Variants in RELCH observed in about 807,000 individuals in gnomAD.
RELCH encodes RAB11-binding protein RELCH.
A neutral mutation model predicts 150.3 loss-of-function variants in RELCH; 41 were observed. The observed-to-expected ratio is 0.27, with a 90% CI of 0.21 to 0.35. The LOEUF is 0.35. Among genes scored for constraint, RELCH ranks in the 10% least tolerant of loss-of-function variants. The pLI, the probability that RELCH is intolerant of heterozygous loss-of-function variation, is 1.00. For missense variants in RELCH, 1,092 were observed against 1,467.8 expected, an observed-to-expected ratio of 0.74 and a Z score of 4.18; for synonymous variants, 478 against 531.8, an observed-to-expected ratio of 0.90 and a Z score of 1.39.
chr18:62,195,707 C>CT (rs921535659), intron 1 of RELCH, among the ~76,000 whole-genome samples: 5 of 146,372 alleles, frequency 3.4e-5, no homozygotes, highest in African/African-American at 5.0e-5. Flanking sequence ...TTTTTTTTTT[C>CT]TTTTTTTTTC....
chr18:62,224,649 A>C (rs1266729710), intron 5 of RELCH, among the ~76,000 whole-genome samples: 2 of 152,132 alleles, frequency 1.3e-5, no homozygotes, highest in African/African-American at 4.8e-5. Flanking sequence ...TTAAAATATC[A>C]TGTTCAATAG....
At chr18:62,295,243 A>G (rs1056314537) in intron 27 of RELCH, among the ~76,000 whole-genome samples, 1 of 151,360 alleles carries the variant, frequency 6.6e-6, no homozygotes, top group African/African-American at 2.4e-5. Context: ...AGAACATGCT[A>G]TATCTTATAT....
intron 11 of RELCH, among the ~76,000 whole-genome samples, chr18:62,250,524 T>C (rs1185147586): frequency 6.6e-6 from 1 of 152,240 alleles, no homozygotes; most frequent in African/African-American, 2.4e-5. Context: ...TCATTCACTT[T>C]ATTTGCCTTC....
At chr18:62,224,119 GC>G (rs1228882308) in intron 5 of RELCH, among the ~76,000 whole-genome samples, 1 of 151,912 alleles carries the variant, frequency 6.6e-6, no homozygotes, top group Non-Finnish European at 1.5e-5. Flanking sequence ...CCCTCCCCCA[GC>G]CCCTCATGCC....
chr18:62,215,883 A>G (rs2148339123), intron 2 of RELCH, among the ~76,000 whole-genome samples: 1 of 152,212 alleles, frequency 6.6e-6, no homozygotes, highest in Non-Finnish European at 1.5e-5. Context: ...TCACAGAGCC[A>G]TTTTCTTAGA....
chr18:62,237,639 G>C (rs912746040), intron 10 of RELCH, among the ~76,000 whole-genome samples: 2 of 151,578 alleles, frequency 1.3e-5, no homozygotes, highest in Admixed American at 1.3e-4. Flanking sequence ...TCATGTGCCA[G>C]TATGTACTTA....
chr18:62,259,494 A>C (rs1452707495), intron 15 of RELCH, among the ~76,000 whole-genome samples: 1 of 150,610 alleles, frequency 6.6e-6, no homozygotes, highest in Non-Finnish European at 1.5e-5. Flanking sequence ...GGAAATGTTA[A>C]AAAAAAAAGA....
At chr18:62,229,485 G>T (rs1416111046) in intron 8 of RELCH, among the ~76,000 whole-genome samples, 1 of 143,322 alleles carries the variant, frequency 7.0e-6, no homozygotes, top group African/African-American at 2.6e-5. Flanking sequence ...GTATAGTAGG[G>T]GTGTGTGTGT....
intron 10 of RELCH, among the ~76,000 whole-genome samples, 162 bp downstream of exon 10, chr18:62,232,589 C>T (rs1001524777): frequency 2.0e-5 from 3 of 152,032 alleles, no homozygotes; most frequent in Admixed American, 2.0e-4. Context: ...AATGGTTTTA[C>T]ACCTCTGTCA....
chr18:62,297,146 T>C (rs2045448351), intron 27 of RELCH, among the ~76,000 whole-genome samples: 1 of 152,196 alleles, frequency 6.6e-6, no homozygotes, highest in Admixed American at 6.5e-5. Flanking sequence ...ACTTGAGATA[T>C]CGGGCATAGC....
intron 1 of RELCH, among the ~76,000 whole-genome samples, chr18:62,204,211 A>C (rs959416806): frequency 4.6e-5 from 7 of 152,122 alleles, no homozygotes; most frequent in Admixed American, 4.6e-4. Context: ...TAATAATTCG[A>C]AGGAATAATC....
intron 25 of RELCH, among the ~76,000 whole-genome samples, chr18:62,284,761 T>C (rs1014611835): frequency 6.6e-6 from 1 of 152,214 alleles, no homozygotes; most frequent in Admixed American, 6.5e-5. Flanking sequence ...GCCCCTCTAT[T>C]TCTTGGCTAA....
At chr18:62,248,482 A>C (rs554485512) in intron 11 of RELCH, among the ~76,000 whole-genome samples, 1 of 152,290 alleles carries the variant, frequency 6.6e-6, no homozygotes, top group Non-Finnish European at 1.5e-5. Flanking sequence ...GGCCTCACCC[A>C]CAATGTTCTG....
At chr18:62,275,535 G>T in intron 22 of RELCH, 62 bp downstream of exon 22, 1 of 1,028,090 alleles carries the variant, frequency 9.7e-7, no homozygotes. Flanking sequence ...TTGCGAAGAA[G>T]AAGGGAATTT....
chr18:62,289,996 G>C (rs2045029752), intron 26 of RELCH, among the ~76,000 whole-genome samples: 1 of 152,136 alleles, frequency 6.6e-6, no homozygotes, highest in African/African-American at 2.4e-5. Flanking sequence ...TAGAAAGCAA[G>C]ACTACATAAT....
rs186155683 is a variant in RELCH at position 62,221,776 on chromosome 18, A to G, written c.858+279A>G. On this transcript the variant is annotated intron_variant, in intron 5 of 28. Transcript: ENST00000644646. Reference sequence around the variant, plus strand: ...AGTCCACTCATTTTTGCATATATTCATAAAGTATGCTTTTTAAAGACATAC... The same window carrying G: ...AGTCCACTCATTTTTGCATATATTCGTAAAGTATGCTTTTTAAAGACATAC... 1.5e-3 allele frequency among the ~76,000 whole-genome samples: 222 copies of G among 151,910 alleles called. 2 individuals carry two copies. The highest frequency in any genetic ancestry group is 5.5e-4 in the Non-Finnish European group (37 of 67,830).
At chr18:62,212,197 G>A (rs975757451) in intron 2 of RELCH, among the ~76,000 whole-genome samples, 2 of 152,200 alleles carry the variant, frequency 1.3e-5, no homozygotes, top group African/African-American at 4.8e-5. Flanking sequence ...AATTCACCCC[G>A]TTAGCAGCCT....
At chr18:62,286,749 T>C (rs2044822846) in intron 25 of RELCH, among the ~76,000 whole-genome samples, 1 of 152,208 alleles carries the variant, frequency 6.6e-6, no homozygotes, top group South Asian at 2.1e-4. Context: ...TTGGTTTTTG[T>C]TTCTTGGACC....
rs2041918894 is a variant in RELCH, at chr18:62,237,182, ACTAAGAATTACCTATGC to A, written c.1620+4760_1620+4776del. Among the ~76,000 whole-genome samples the A allele has an allele frequency of 4.6e-5, 7 of 151,972 alleles. No homozygotes were observed. The South Asian group carries it at 1.5e-3, about 31-fold the overall frequency. On this transcript the variant is annotated intron_variant, in intron 10 of 28. Transcript: ENST00000644646. Reference sequence around the variant, plus strand: ...TATATGACTTTGATCTTTTAAATTTACTAAGAATTACCTATGCCTAACTTATGGTCTGTCCTGGAGAA... The same window carrying A: ...TATATGACTTTGATCTTTTAAATTTACTAACTTATGGTCTGTCCTGGAGAA...
Sources: gnomAD v4.1 joint callset for allele counts (sites outside exome capture counted in the v4.1 genomes callset) on GRCh38, gnomAD v4.1.1 for gene constraint, MANE v1.5 for transcripts, NCBI Gene and HGNC (gene_info 2026-07-23, HGNC 2026-07-21) for gene names.